The following DCAF8L2 variants were observed in gnomAD, a reference collection of about 807,000 sequenced individuals.
DCAF8L2 encodes DDB1- and CUL4-associated factor 8-like protein 2.
For missense variants in DCAF8L2, 430 were observed against 490.7 expected, an observed-to-expected ratio of 0.88 and a Z score of 1.17; for synonymous variants, 200 against 190.9, an observed-to-expected ratio of 1.05 and a Z score of -0.39.
the DCAF8L2 span, chrX:27,518,220 T>C: frequency 1.1e-6 from 1 of 875,226 alleles, no homozygotes; most frequent in East Asian, 3.1e-5. Context: ...AAGCCAAGTA[T>C]GGAGGTTATA....
the DCAF8L2 span, among the ~76,000 whole-genome samples, chrX:27,554,810 G>T: frequency 9.0e-6 from 1 of 111,497 alleles, no homozygotes; most frequent in African/African-American, 3.3e-5. Context: ...AAATCCTACA[G>T]TCAGGTGGGT....
intron 4 of DCAF8L2, among the ~76,000 whole-genome samples, chrX:27,725,158 T>C (rs2147305030): frequency 9.0e-6 from 1 of 110,780 alleles, no homozygotes; most frequent in East Asian, 2.8e-4. Context: ...AAAGACTCCA[T>C]CCACAAGAGA....
intron 3 of DCAF8L2, among the ~76,000 whole-genome samples, chrX:27,690,909 T>G (rs1156386068): frequency 2.7e-5 from 3 of 111,950 alleles, no homozygotes; most frequent in Non-Finnish European, 3.8e-5. Flanking sequence ...TTGACTGAGA[T>G]GAGAACTACA....
At chrX:27,553,279 G>C in the DCAF8L2 span, among the ~76,000 whole-genome samples, 5 of 111,306 alleles carry the variant, frequency 4.5e-5, no homozygotes, top group Non-Finnish European at 7.5e-5. Context: ...TTGGTTTAGA[G>C]TTCAGTTCAA....
chrX:27,677,623 A>G (rs1479909051), intron 2 of DCAF8L2, among the ~76,000 whole-genome samples: 1 of 111,740 alleles, frequency 8.9e-6, no homozygotes, highest in Non-Finnish European at 1.9e-5. Context: ...TGTGAGAAAT[A>G]AAGCTTAGGA....
At chrX:27,669,355 T>G (rs1233569755) in intron 2 of DCAF8L2, among the ~76,000 whole-genome samples, 2 of 111,228 alleles carry the variant, frequency 1.8e-5, no homozygotes, top group African/African-American at 6.5e-5. Flanking sequence ...ACAAGCTTCA[T>G]TCACAGAGCT....
chrX:27,611,718 C>T (rs1927191783), intron 1 of DCAF8L2, among the ~76,000 whole-genome samples: 1 of 109,800 alleles, frequency 9.1e-6, no homozygotes, highest in South Asian at 4.0e-4. Context: ...CTTGCGATAG[C>T]TTGCTCAGAA....
intron 3 of DCAF8L2, among the ~76,000 whole-genome samples, chrX:27,712,068 G>A (rs1931551943): frequency 9.0e-6 from 1 of 110,897 alleles, no homozygotes; most frequent in African/African-American, 3.3e-5. Context: ...AAGATATTGG[G>A]ATTTTCTTTC....
At chrX:27,711,061 G>A (rs73534371) in intron 3 of DCAF8L2, among the ~76,000 whole-genome samples, 5,874 of 111,414 alleles carry the variant, frequency 0.053, 369 homozygotes, top group African/African-American at 0.18. Flanking sequence ...AAAATAATTT[G>A]AAAAGACAAA....
At chrX:27,588,227 A>C (rs1229814724), upstream of DCAF8L2, among the ~76,000 whole-genome samples, 1 of 108,688 alleles carries the variant, frequency 9.2e-6, no homozygotes, top group African/African-American at 3.4e-5. Context: ...TTTAGCTCCC[A>C]CTTATAAGTG....
chrX:27,548,324 A>T, the DCAF8L2 span, among the ~76,000 whole-genome samples: 6 of 111,587 alleles, frequency 5.4e-5, no homozygotes. Context: ...ACTGAAAAAT[A>T]TCCCCTAACT....
the DCAF8L2 span, among the ~76,000 whole-genome samples, chrX:27,497,835 G>T: frequency 2.7e-5 from 3 of 111,853 alleles, no homozygotes; most frequent in Non-Finnish European, 3.8e-5. Flanking sequence ...CCAAAGTGCT[G>T]GGATTACAGG....
At chrX:27,527,840 C>T in the DCAF8L2 span, among the ~76,000 whole-genome samples, 5 of 108,749 alleles carry the variant, frequency 4.6e-5, no homozygotes, top group African/African-American at 1.3e-4. Context: ...TTAGTAGAGA[C>T]AGGTTTTCAC....
rs967218461 is a variant in DCAF8L2 at position 27,659,611 on chromosome X, G to A, written c.-219-18225G>A. On this transcript the variant is annotated intron_variant, in intron 2 of 4. Coordinates refer to ENST00000451261, the MANE Select transcript of DCAF8L2 (RefSeq NM_001353450.2). ...CACTTAATTATATCCTATATGTCAC[G>A]TGAGCTCTCTTCATTTTTTTTTCCT... is the stretch of plus-strand genomic sequence containing the variant. 4.5e-5 allele frequency among the ~76,000 whole-genome samples: 5 copies of A among 111,120 alleles called. No individual in the cohort carries two copies. The Admixed American group carries it at 4.8e-4, about 11-fold the overall frequency.
chrX:27,617,352 G>A (rs1193832286), intron 1 of DCAF8L2, among the ~76,000 whole-genome samples: 1 of 110,650 alleles, frequency 9.0e-6, no homozygotes, highest in East Asian at 2.9e-4. Context: ...TGAGGGAAAT[G>A]TATGTGCTCT....
At chrX:27,628,112 C>T (rs1313052614) in intron 1 of DCAF8L2, among the ~76,000 whole-genome samples, 1 of 111,090 alleles carries the variant, frequency 9.0e-6, no homozygotes, top group Admixed American at 9.6e-5. Flanking sequence ...TCCAACCCTG[C>T]CAATCACTTT....
chrX:27,520,011 AT>A, the DCAF8L2 span, among the ~76,000 whole-genome samples: 2 of 111,944 alleles, frequency 1.8e-5, no homozygotes, highest in African/African-American at 6.5e-5. Context: ...GTTTTTAAAA[AT>A]ATAACATTCT....
intron 1 of DCAF8L2, among the ~76,000 whole-genome samples, chrX:27,615,826 T>C (rs1208650405): frequency 1.8e-5 from 2 of 111,377 alleles, no homozygotes; most frequent in African/African-American, 6.5e-5. Context: ...CATTAAAACC[T>C]CTTAAAGTTT....
At chrX:27,584,153 C>T in the DCAF8L2 span, among the ~76,000 whole-genome samples, 17,875 of 111,150 alleles carry the variant, frequency 0.16, 1,142 homozygotes, top group East Asian at 0.36. Flanking sequence ...GTATTCGCAT[C>T]AATCATTTAA....
Sources: gnomAD v4.1 joint callset for allele counts (sites outside exome capture counted in the v4.1 genomes callset) on GRCh38, gnomAD v4.1.1 for gene constraint, MANE v1.5 for transcripts, NCBI Gene and HGNC (gene_info 2026-07-23, HGNC 2026-07-21) for gene names.